The following TMEM161B variants were observed in gnomAD, a reference collection of about 807,000 sequenced individuals.
TMEM161B encodes transmembrane protein 161B.
In TMEM161B, 34 loss-of-function variants were observed where a neutral mutation model predicts 61.8. The observed-to-expected ratio is 0.55, with a 90% CI of 0.42 to 0.73. The LOEUF is 0.73. Ranked by LOEUF, TMEM161B falls within the 30% of genes least tolerant of loss-of-function variation. TMEM161B has a pLI of 0.00. For synonymous variants in TMEM161B, 167 were observed against 192.8 expected (o/e 0.87, Z 1.11); for missense variants, 456 against 558.5 (o/e 0.82, Z 1.85).
rs1748734036 is a variant in TMEM161B, at chr5:88,220,623, T to C, written c.386A>G (p.Lys129Arg). 10 of 1,603,508 alleles carry C rather than the reference T, an allele frequency of 6.2e-6. No homozygotes were observed. The highest frequency in any genetic ancestry group is 8.5e-6 in the Non-Finnish European group (10 of 1,177,222). ...GCTGATATTCATTTCCTGTGTAGGC[T>C]TCATAAAATTGTAGTAGACTTCAGT... ...LVTEVYYNFM[K>R]PTQEMNISLV... Residue 129 changes from lysine (K) to arginine (R), a missense_variant, in exon 5 of 12, where the codon AAG becomes AGG. By Grantham distance (26) the Lys-to-Arg change is conservative. This residue lies in a region of TMEM161B where 367 missense variants were observed against 427.3 expected (regional missense o/e 0.86). Coordinates refer to ENST00000296595, the MANE Select transcript of TMEM161B (RefSeq NM_153354.5).
chr5:88,231,163 G>T (rs141072029), intron 2 of TMEM161B, among the ~76,000 whole-genome samples: 1 of 152,124 alleles, frequency 6.6e-6, no homozygotes. Context: ...TACCCTATGC[G>T]CTTTCTTTAA....
intron 5 of TMEM161B, among the ~76,000 whole-genome samples, chr5:88,214,610 G>A (rs112055087): frequency 1.1e-4 from 17 of 152,044 alleles, no homozygotes; most frequent in African/African-American, 2.2e-4. Context: ...CAGTACACAC[G>A]CCTACAGCAA....
At chr5:88,209,748 C>T (rs1746319227) in intron 5 of TMEM161B, among the ~76,000 whole-genome samples, 1 of 152,156 alleles carries the variant, frequency 6.6e-6, no homozygotes, top group Non-Finnish European at 1.5e-5. Flanking sequence ...GCCACACTCA[C>T]ATGTTCAAGC....
At chr5:88,259,575 C>T (rs33698) in intron 1 of TMEM161B, among the ~76,000 whole-genome samples, 4,550 of 152,214 alleles carry the variant, frequency 0.03, 100 homozygotes, top group Non-Finnish European at 0.044. Context: ...ATCTTCAGGC[C>T]TAAGAGAAAC....
chr5:88,198,758 G>T, intron 10 of TMEM161B: 1 of 497,190 alleles, frequency 2.0e-6, no homozygotes, highest in Non-Finnish European at 3.5e-6. Flanking sequence ...CCCACTGTAT[G>T]ACACCAAGCA....
At position 88,195,628 on chromosome 5, in the gene TMEM161B, T is replaced by G; in HGVS notation, c.*583A>C. 1.0e-6 allele frequency: 1 copy of G among 984,904 alleles called. No individual in the cohort carries two copies. The highest frequency in any genetic ancestry group is 1.2e-6 in the Non-Finnish European group (1 of 829,130). The allele number at this position is 984,904 out of a possible 1,614,324, so 61.0% of individuals were successfully genotyped here. A position where few individuals can be genotyped will look rare whatever the true frequency, so the allele number is the denominator to read the frequency against. ...TGCTATTCTCAAGCAGCAGTAGTTA[T>G]ATATTTTAACCATATTCATCTCCAT... On this transcript the variant is annotated 3_prime_UTR_variant, in exon 12 of 12. Transcript: ENST00000296595.
intron 8 of TMEM161B, among the ~76,000 whole-genome samples, chr5:88,203,440 G>A (rs1038495657): frequency 2.0e-5 from 3 of 151,816 alleles, no homozygotes; most frequent in African/African-American, 7.3e-5. Context: ...GGTATTTAAT[G>A]ATTCTAACTT....
At position 88,196,503 on chromosome 5, in the gene TMEM161B, A is replaced by G. The variant is rs1749667490; in HGVS notation, c.1187-15T>C. 6.4e-7 allele frequency: 1 copy of G among 1,550,834 alleles called. No homozygotes were observed. The highest frequency in any genetic ancestry group is 8.7e-7 in the Non-Finnish European group (1 of 1,153,852). On this transcript the variant is annotated splice_polypyrimidine_tract_variant and intron_variant, in intron 11 of 11. Coordinates refer to ENST00000296595, the MANE Select transcript of TMEM161B (RefSeq NM_153354.5). ...GGAATGATTACCTAGAAAATCAAAGACACAAATACAATTTGAAGAGTAACT... is the reference window on the plus strand; with the variant it reads ...GGAATGATTACCTAGAAAATCAAAGGCACAAATACAATTTGAAGAGTAACT...
intron 1 of TMEM161B, among the ~76,000 whole-genome samples, chr5:88,244,886 T>G (rs1040876666): frequency 6.6e-6 from 1 of 151,814 alleles, no homozygotes; most frequent in Non-Finnish European, 1.5e-5. Flanking sequence ...TCCTAGGAAT[T>G]TTATTCTTTT....
chr5:88,191,925 C>A (rs1452604371), downstream of TMEM161B, among the ~76,000 whole-genome samples: 1 of 125,650 alleles, frequency 8.0e-6, no homozygotes, highest in East Asian at 2.3e-4. Flanking sequence ...CCACTGCACT[C>A]CAGCCTGGGC....
In TMEM161B at chr5:88,197,651, T is replaced by A; in HGVS notation, c.1186+18A>T. The A allele has an allele frequency of 6.3e-7, 1 of 1,599,046 alleles. No individual in the cohort carries two copies. The highest frequency in any genetic ancestry group is 8.5e-7 in the Non-Finnish European group (1 of 1,171,866). ...GTAGAAAGTAAAAGATGCTTCCTAGTTGCCAGGGCATGCCTACCTAGTGTT... is the reference window on the plus strand; with the variant it reads ...GTAGAAAGTAAAAGATGCTTCCTAGATGCCAGGGCATGCCTACCTAGTGTT... On this transcript the variant is annotated intron_variant, in intron 11 of 11. Transcript: ENST00000296595.
chr5:88,197,780 A>G lies in TMEM161B; in HGVS notation c.1090-15T>C, dbSNP rs1473336412. 2 of 1,606,798 alleles carry G rather than the reference A, an allele frequency of 1.2e-6. No homozygotes were observed. Among genetic ancestry groups the G allele is most frequent in the East Asian group, 4.5e-5 (2 of 44,760 alleles). ...ACTCGAGCCACCTGCAACCAACAAC[A>G]TTCTTAAGTGTCTAATGCAACTGAC... On this transcript the variant is annotated splice_polypyrimidine_tract_variant and intron_variant, in intron 10 of 11. Coordinates refer to ENST00000296595, the MANE Select transcript of TMEM161B (RefSeq NM_153354.5).
rs560863169 is a variant in TMEM161B at position 88,222,504 on chromosome 5, T to G, written c.290-1785A>C. On this transcript the variant is annotated intron_variant, in intron 4 of 11. Coordinates refer to ENST00000296595, the MANE Select transcript of TMEM161B (RefSeq NM_153354.5). ...AAAAAAAATCACCCATACTGGGCTTTCATCTGGAAGGAGGTCAGGGAAGTG... is the reference window on the plus strand; with the variant it reads ...AAAAAAAATCACCCATACTGGGCTTGCATCTGGAAGGAGGTCAGGGAAGTG... Among the ~76,000 whole-genome samples, 17 of 152,294 alleles carry G rather than the reference T, an allele frequency of 1.1e-4. No homozygotes were observed. The East Asian group carries it at 2.9e-3, about 26-fold the overall frequency.
downstream of TMEM161B, among the ~76,000 whole-genome samples, chr5:88,187,954 T>C (rs573624490): frequency 2.0e-5 from 3 of 152,310 alleles, no homozygotes; most frequent in South Asian, 6.2e-4. Flanking sequence ...CCTTTCAAAA[T>C]ACTTCATAGT....
intron 1 of TMEM161B, chr5:88,259,109 CTATT>C (rs1011833720): frequency 6.6e-5 from 10 of 152,118 alleles, no homozygotes; most frequent in African/African-American, 2.4e-4. Context: ...GTGCCACTTA[CTATT>C]TATCTCATCT....
In TMEM161B at chr5:88,234,804, C is replaced by A. The variant is rs189622665; in HGVS notation, c.107+6009G>T. On this transcript the variant is annotated intron_variant, in intron 2 of 11. Transcript: ENST00000296595. ...ACTCAGTTGGGTGTGGTGGCTCACA[C>A]CTGTAATCCCAACACGTTGGGAGGC... 6.9e-3 allele frequency among the ~76,000 whole-genome samples: 1,051 copies of A among 152,210 alleles called. 4 individuals are homozygous for A. Among genetic ancestry groups the A allele is most frequent in the Non-Finnish European group, 0.01 (701 of 67,996 alleles).
At chr5:88,236,545 A>G (rs1008012229) in intron 2 of TMEM161B, among the ~76,000 whole-genome samples, 1 of 152,210 alleles carries the variant, frequency 6.6e-6, no homozygotes, top group Non-Finnish European at 1.5e-5. Context: ...GAACGTCTTT[A>G]ACTGATATGA....
chr5:88,204,646 T>C (rs995963814), intron 8 of TMEM161B, among the ~76,000 whole-genome samples: 1 of 151,840 alleles, frequency 6.6e-6, no homozygotes, highest in African/African-American at 2.4e-5. Context: ...CTGAAGTGTG[T>C]GTGCAGAGAG....
chr5:88,190,844 T>G (rs1288166993), downstream of TMEM161B, among the ~76,000 whole-genome samples: 1 of 152,244 alleles, frequency 6.6e-6, no homozygotes, highest in Non-Finnish European at 1.5e-5. Context: ...TTTCCTTCTT[T>G]TATTTACTTG....
Sources: allele counts gnomAD v4.1 joint callset (sites outside exome capture counted in the v4.1 genomes callset), GRCh38; gene constraint gnomAD v4.1.1; regional missense constraint gnomAD v4.1.1; transcripts MANE v1.5; gene names NCBI Gene and HGNC (gene_info 2026-07-23, HGNC 2026-07-21).